SEH1L: variants seen among roughly 807,000 people sequenced by gnomAD.
SEH1L encodes the protein SEH1 like nucleoporin.
In SEH1L, 18 loss-of-function variants were observed where a neutral mutation model predicts 49.5. The observed-to-expected ratio is 0.36, with a 90% CI of 0.25 to 0.54. The LOEUF (loss-of-function observed/expected upper bound fraction) is 0.54. Ranked by LOEUF, SEH1L falls within the 20% of genes least tolerant of loss-of-function variation. The pLI is 0.87. For synonymous variants in SEH1L, 169 were observed against 178.1 expected, an observed-to-expected ratio of 0.95 and a Z score of 0.41; for missense variants, 404 against 528.8, an observed-to-expected ratio of 0.76 and a Z score of 2.31.
At chr18:12,948,510 C>A in intron 1 of SEH1L, 1 of 271,420 alleles carries the variant, frequency 3.7e-6, no homozygotes, top group Non-Finnish European at 6.9e-6. Context: ...GCCGCGCTGC[C>A]GGGGCTGCGG....
chr18:12,978,477 T>TA (rs1376576129), intron 5 of SEH1L: 1 of 289,860 alleles, frequency 3.4e-6, no homozygotes, highest in Non-Finnish European at 6.4e-6. Flanking sequence ...AAAGAATACT[T>TA]ACTGCACGTT....
rs1182234375 is a variant in SEH1L, at chr18:12,963,381, C to T, written c.521+10C>T. On this transcript the variant is annotated intron_variant, in intron 4 of 8. Transcript: ENST00000399892. Reference sequence around the variant, plus strand: ...CTTGGAACCCTTCAAGGTAAGTTTACATATTAAACCTCTGATAACATCCTA... The same window carrying T: ...CTTGGAACCCTTCAAGGTAAGTTTATATATTAAACCTCTGATAACATCCTA... 6.3e-7 allele frequency: 1 copy of T among 1,591,610 alleles called. No individual in the cohort carries two copies. Among genetic ancestry groups the T allele is most frequent in the Non-Finnish European group, 8.6e-7 (1 of 1,160,084 alleles).
At position 12,948,228 on chromosome 18, in the gene SEH1L, T is replaced by C; in HGVS notation, c.107T>C (p.Val36Ala). The change falls in exon 1 of 9, where the codon GTT becomes GCT. Residue 36 changes from valine to alanine, a missense_variant. Val to Ala is a moderately conservative substitution (Grantham distance 64). Transcript: ENST00000399892. ...RMATCSSDQS[V>A]KVWDKSESGD... Reference sequence around the variant, plus strand: ...GCAACCTGCTCCAGCGATCAGAGCGTTAAGGTGCGCGCGGCGCTTGCGGGC... The same window carrying C: ...GCAACCTGCTCCAGCGATCAGAGCGCTAAGGTGCGCGCGGCGCTTGCGGGC... 1 of 1,610,630 alleles carries C rather than the reference T, an allele frequency of 6.2e-7. No individual in the cohort carries two copies. The highest frequency in any genetic ancestry group is 8.5e-7 in the Non-Finnish European group (1 of 1,178,554).
At chr18:12,950,522 A>T (rs1386832198) in intron 1 of SEH1L, among the ~76,000 whole-genome samples, 1 of 152,160 alleles carries the variant, frequency 6.6e-6, no homozygotes, top group Non-Finnish European at 1.5e-5. Context: ...TTAAGTTGTC[A>T]TGGTAGAGTG....
In SEH1L at chr18:12,982,567, G is replaced by T; in HGVS notation, c.811G>T (p.Val271Leu). The change falls in exon 7 of 9, where the codon GTG becomes TTG. Residue 271 changes from valine (V) to leucine (L), a missense_variant. Val to Leu is a conservative substitution (Grantham distance 32). Coordinates refer to ENST00000399892, the MANE Select transcript of SEH1L (RefSeq NM_001013437.2). ...GGPTKFEIHI[V>L]AQFDNHNSQV... ...GCCAACAAAGTTTGAAATCCATATAGTGGCTCAGTTCGATAATCATAATTC... is the reference window on the plus strand; with the variant it reads ...GCCAACAAAGTTTGAAATCCATATATTGGCTCAGTTCGATAATCATAATTC... 3 of 1,613,900 alleles carry T rather than the reference G, an allele frequency of 1.9e-6. No individual in the cohort carries two copies. Among genetic ancestry groups the T allele is most frequent in the Non-Finnish European group, 2.5e-6 (3 of 1,179,856 alleles).
chr18:12,970,386 TTTTC>T (rs1317912136), intron 4 of SEH1L, among the ~76,000 whole-genome samples: 1 of 152,164 alleles, frequency 6.6e-6, no homozygotes, highest in Non-Finnish European at 1.5e-5. Context: ...AGGGGTAGTC[TTTTC>T]CACTTTTCCC....
intron 3 of SEH1L, among the ~76,000 whole-genome samples, chr18:12,957,376 A>G (rs2030931862): frequency 6.6e-6 from 1 of 151,860 alleles, no homozygotes; most frequent in Non-Finnish European, 1.5e-5. Context: ...TGTGATGAGC[A>G]GAGATCGTGC....
At chr18:12,966,485 C>A (rs1387681604) in intron 4 of SEH1L, among the ~76,000 whole-genome samples, 1 of 152,148 alleles carries the variant, frequency 6.6e-6, no homozygotes, top group Non-Finnish European at 1.5e-5. Flanking sequence ...CCCTGGACCT[C>A]CCTGGGCTCA....
At position 12,951,924 on chromosome 18, in the gene SEH1L, A is replaced by G. The variant is rs747268929; in HGVS notation, c.162+19A>G. On this transcript the variant is annotated intron_variant, in intron 2 of 8. Transcript: ENST00000399892. ...CTGGAAGGTTAGTATTTATTTTTAC[A>G]TTTATTAAAAATACAGAAATATTTA... The G allele has an allele frequency of 5.9e-6, 8 of 1,362,838 alleles. No individual in the cohort carries two copies. The Admixed American group carries it at 1.5e-4, about 26-fold the overall frequency. The allele number at this position is 1,362,838 out of a possible 1,614,324, so 84.4% of individuals were successfully genotyped here.
chr18:12,981,648 C>G (rs2032265160), intron 6 of SEH1L, among the ~76,000 whole-genome samples: 1 of 152,052 alleles, frequency 6.6e-6, no homozygotes, highest in Non-Finnish European at 1.5e-5. Context: ...CTTAACTGTG[C>G]TTTATTTAGG....
rs1410374217 is a variant in SEH1L, at chr18:12,948,495, C to T, written c.111+263C>T. On this transcript the variant is annotated intron_variant, in intron 1 of 8. Transcript: ENST00000399892. ...GCCCGCAGGGTACGCCGGGCCCTCT[C>T]CCAGGCCGCGCTGCCGGGGCTGCGG... The T allele has an allele frequency of 1.6e-5, 5 of 309,920 alleles. No individual in the cohort carries two copies. In the East Asian group the frequency reaches 2.2e-4, roughly 14 times the overall value. The allele number at this position is 309,920 out of a possible 1,614,324, so 19.2% of individuals were successfully genotyped here.
chr18:12,982,794 TATTA>T (rs2032324020), intron 7 of SEH1L, 119 bp downstream of exon 7: 2 of 599,584 alleles, frequency 3.3e-6, no homozygotes, highest in African/African-American at 3.1e-5. Flanking sequence ...TTTAATGTCA[TATTA>T]ATTTATGTTA....
chr18:12,981,724 A>G (rs1007622298), intron 6 of SEH1L, among the ~76,000 whole-genome samples: 3 of 152,124 alleles, frequency 2.0e-5, no homozygotes, highest in African/African-American at 4.8e-5. Flanking sequence ...GTGGCAGTCT[A>G]TTTAGGGAAA....
At chr18:12,979,977 C>T (rs1378798604) in intron 6 of SEH1L, among the ~76,000 whole-genome samples, 21 of 118,950 alleles carry the variant, frequency 1.8e-4, no homozygotes, top group South Asian at 5.5e-4. Flanking sequence ...ACCTCCCGGA[C>T]GGGGCGGCTG....
At chr18:12,950,390 TTATTTGTATA>T (rs1173379324) in intron 1 of SEH1L, among the ~76,000 whole-genome samples, 1 of 152,144 alleles carries the variant, frequency 6.6e-6, no homozygotes, top group African/African-American at 2.4e-5. Flanking sequence ...AGCCATGTAT[TTATTTGTATA>T]TATTTTTAAT....
At position 12,984,126 on chromosome 18, in the gene SEH1L, A is replaced by C. The variant is rs1255873972; in HGVS notation, c.1006A>C (p.Asn336His). ...VNGSSQQGTS[N>H]PSLGSTIPSL... ...TGGGAGTTCTCAGCAGGGAACCTCA[A>C]ATCCTTCCCTAGGTTCAACTATTCC... Residue 336 changes from asparagine (N) to histidine (H), a missense_variant, in exon 8 of 9, where the codon AAT becomes CAT. Transcript: ENST00000399892. The C allele has an allele frequency of 6.2e-7, 1 of 1,613,616 alleles. No individual in the cohort carries two copies. Among genetic ancestry groups the C allele is most frequent in the African/African-American group, 1.3e-5 (1 of 74,942 alleles).
chr18:12,948,141 T>C lies in SEH1L; in HGVS notation c.20T>C (p.Ile7Thr). ...GAAACCATGTTTGTGGCTCGCAGCATCGCGGCGGACCACAAGGATCTCATC... is the reference window on the plus strand; with the variant it reads ...GAAACCATGTTTGTGGCTCGCAGCACCGCGGCGGACCACAAGGATCTCATC... MFVARS[I>T]AADHKDLIHD... is the part of the protein sequence containing the mutation. The change falls in exon 1 of 9, where the codon ATC (isoleucine) becomes ACC (threonine). Residue 7 changes from isoleucine (I) to threonine (T), a missense_variant. Coordinates refer to ENST00000399892, the MANE Select transcript of SEH1L (RefSeq NM_001013437.2). 1 of 1,608,374 alleles carries C rather than the reference T, an allele frequency of 6.2e-7. No homozygotes were observed. The highest frequency in any genetic ancestry group is 1.7e-4 in the Middle Eastern group (1 of 6,052).
chr18:12,959,357 C>G (rs560722784), intron 3 of SEH1L, among the ~76,000 whole-genome samples: 2 of 152,136 alleles, frequency 1.3e-5, no homozygotes, highest in African/African-American at 4.8e-5. Flanking sequence ...GTTAAGCATT[C>G]GCCTACTTAT....
At chr18:12,961,232 C>G (rs1381449070) in intron 3 of SEH1L, among the ~76,000 whole-genome samples, 1 of 152,208 alleles carries the variant, frequency 6.6e-6, no homozygotes, top group African/African-American at 2.4e-5. Context: ...ATCAGTTAAG[C>G]TCCACCATTT....
Sources: allele counts gnomAD v4.1 joint callset (sites outside exome capture counted in the v4.1 genomes callset), GRCh38; gene constraint gnomAD v4.1.1; transcripts MANE v1.5; gene names NCBI Gene and HGNC (gene_info 2026-07-23, HGNC 2026-07-21).